Variants in CTNNA3 observed in about 807,000 individuals in gnomAD.
The protein encoded by CTNNA3 is catenin alpha 3, also known as catenin alpha-3.
CTNNA3 carries 76 observed loss-of-function variants against 95.7 expected under a neutral mutation model. That is an observed-to-expected ratio of 0.79 (90% CI 0.66 to 0.96). CTNNA3 has a LOEUF of 0.96. CTNNA3 is among the 40% of genes least tolerant of loss of function. CTNNA3 has a pLI of 0.00. For missense variants in CTNNA3, 1,191 were observed against 1,089.8 expected (o/e 1.09, Z -1.31); for synonymous variants, 431 against 374.4 (o/e 1.15, Z -1.74).
intron 5 of CTNNA3, among the ~76,000 whole-genome samples, chr10:67,382,823 C>T (rs568544826): frequency 1.4e-4 from 22 of 152,136 alleles, no homozygotes; most frequent in Admixed American, 1.0e-3. Flanking sequence ...ATGATGAAAG[C>T]GGGAACAAGA....
intron 1 of CTNNA3, among the ~76,000 whole-genome samples, chr10:67,719,433 CT>C (rs200479672): frequency 0.018 from 2,703 of 152,056 alleles, 32 homozygotes; most frequent in Non-Finnish European, 0.025. Flanking sequence ...TTTTGTGGGC[CT>C]TTAGTGCTAT....
At chr10:66,692,855 C>A (rs1442446381) in intron 9 of CTNNA3, among the ~76,000 whole-genome samples, 1 of 152,004 alleles carries the variant, frequency 6.6e-6, no homozygotes, top group Non-Finnish European at 1.5e-5. Context: ...TCATATCCAG[C>A]CAAACTAAGC....
At chr10:66,053,837 G>C (rs760821568) in intron 15 of CTNNA3, among the ~76,000 whole-genome samples, 2 of 151,688 alleles carry the variant, frequency 1.3e-5, no homozygotes, top group Admixed American at 6.6e-5. Context: ...TTTCCCTATT[G>C]TGCTACCAAA....
chr10:66,521,453 AG>A (rs1841065964), intron 10 of CTNNA3, among the ~76,000 whole-genome samples: 1 of 152,178 alleles, frequency 6.6e-6, no homozygotes, highest in Non-Finnish European at 1.5e-5. Flanking sequence ...GTAAACAAAA[AG>A]AAATCAGAAA....
At chr10:65,980,799 A>T (rs1357729887) in intron 16 of CTNNA3, among the ~76,000 whole-genome samples, 1 of 152,066 alleles carries the variant, frequency 6.6e-6, no homozygotes, top group Non-Finnish European at 1.5e-5. Flanking sequence ...GCATCCCTTT[A>T]TGATTAAAGC....
At chr10:67,727,039 T>C (rs1183375430) in intron 1 of CTNNA3, among the ~76,000 whole-genome samples, 5 of 114,792 alleles carry the variant, frequency 4.4e-5, no homozygotes, top group African/African-American at 1.5e-4. Context: ...ATATAATATA[T>C]GATACATATA....
intron 5 of CTNNA3, among the ~76,000 whole-genome samples, chr10:67,269,695 A>G (rs1040565365): frequency 2.0e-5 from 3 of 152,194 alleles, no homozygotes; most frequent in Non-Finnish European, 4.4e-5. Context: ...TGAACATATC[A>G]GATTAGTAGA....
At chr10:67,610,484 G>A (rs1843421410) in intron 2 of CTNNA3, among the ~76,000 whole-genome samples, 1 of 152,108 alleles carries the variant, frequency 6.6e-6, no homozygotes, top group African/African-American at 2.4e-5. Flanking sequence ...AAGTAAATAT[G>A]GCTTGGCAAT....
chr10:66,444,742 A>G (rs1004133720), intron 11 of CTNNA3, among the ~76,000 whole-genome samples: 17 of 152,172 alleles, frequency 1.1e-4, no homozygotes, highest in East Asian at 3.9e-4. Context: ...AAAGACCATC[A>G]AGGCTAGGAA....
intron 10 of CTNNA3, among the ~76,000 whole-genome samples, chr10:66,579,697 T>A (rs1464200979): frequency 1.3e-5 from 2 of 151,904 alleles, no homozygotes; most frequent in East Asian, 1.9e-4. Flanking sequence ...TGTTCCTTCA[T>A]CTCCGAGAAT....
chr10:67,320,224 C>T (rs748535575), intron 5 of CTNNA3, among the ~76,000 whole-genome samples: 23 of 152,142 alleles, frequency 1.5e-4, no homozygotes, highest in East Asian at 3.9e-4. Context: ...GGGAGTCTCA[C>T]GGCCTCCTTT....
chr10:67,071,941 TTTGA>T (rs1244487808), intron 7 of CTNNA3, among the ~76,000 whole-genome samples: 3 of 152,126 alleles, frequency 2.0e-5, no homozygotes, highest in Non-Finnish European at 2.9e-5. Context: ...AGAATATGTG[TTTGA>T]TTATTATTTT....
At position 67,539,486 on chromosome 10, in the gene CTNNA3, A is replaced by G. The variant is rs1458879229; in HGVS notation, c.459+17T>C. 1.2e-6 allele frequency: 2 copies of G among 1,611,168 alleles called. No individual in the cohort carries two copies. Among genetic ancestry groups the G allele is most frequent in the East Asian group, 4.5e-5 (2 of 44,816 alleles). ...GTGAAGACAATGCCAAGGTAAACTA[A>G]GCCATCTTTTACTTACAGCTGACAC... On this transcript the variant is annotated intron_variant, in intron 4 of 17. Transcript: ENST00000433211.
intron 7 of CTNNA3, among the ~76,000 whole-genome samples, chr10:66,941,772 A>G (rs1848008763): frequency 1.3e-5 from 2 of 152,214 alleles, no homozygotes; most frequent in African/African-American, 4.8e-5. Flanking sequence ...GAGCACACAA[A>G]TGACATCTTA....
chr10:66,348,904 A>G (rs945028186), intron 12 of CTNNA3, among the ~76,000 whole-genome samples: 4 of 152,116 alleles, frequency 2.6e-5, no homozygotes, highest in Non-Finnish European at 5.9e-5. Flanking sequence ...TGGTTTAGGC[A>G]TAAGATTTAG....
At chr10:66,377,739 G>C (rs2092806454) in intron 12 of CTNNA3, among the ~76,000 whole-genome samples, 1 of 151,674 alleles carries the variant, frequency 6.6e-6, no homozygotes, top group African/African-American at 2.4e-5. Context: ...AGAAAACTCT[G>C]TATGTGGTTT....
intron 5 of CTNNA3, among the ~76,000 whole-genome samples, chr10:67,446,662 T>C (rs184111802): frequency 2.7e-3 from 413 of 152,338 alleles, no homozygotes; most frequent in Admixed American, 5.6e-3. Flanking sequence ...GATAGGATCT[T>C]ACCAGTTTCA....
intron 13 of CTNNA3, 60 bp downstream of exon 13, chr10:66,280,410 C>G (rs2132158342): frequency 2.1e-6 from 3 of 1,433,706 alleles, no homozygotes; most frequent in Admixed American, 3.8e-5. Flanking sequence ...GCAGTCATCC[C>G]AGGCATTCCA....
At chr10:67,717,343 T>C (rs919934865) in intron 1 of CTNNA3, among the ~76,000 whole-genome samples, 7 of 152,256 alleles carry the variant, frequency 4.6e-5, no homozygotes, top group Non-Finnish European at 8.8e-5. Flanking sequence ...TTGTCTATTT[T>C]GGCTTCTGTT....
Sources: gnomAD v4.1 joint callset for allele counts (sites outside exome capture counted in the v4.1 genomes callset) on GRCh38, gnomAD v4.1.1 for gene constraint, MANE v1.5 for transcripts, NCBI Gene and HGNC (gene_info 2026-07-23, HGNC 2026-07-21) for gene names.